The following MEIS2 variants were observed in gnomAD, a reference collection of about 807,000 sequenced individuals.
MEIS2 encodes the protein homeobox protein Meis2.
In MEIS2, 9 loss-of-function variants were observed where a neutral mutation model predicts 58.6. That is an observed-to-expected ratio of 0.15 (90% CI 0.09 to 0.27). The LOEUF is 0.27. Ranked by LOEUF, MEIS2 falls within the 10% of genes least tolerant of loss-of-function variation. The probability of loss-of-function intolerance (pLI) is 1.00; values close to 1 mark genes in which losing one functional copy is unlikely to be tolerated. For missense variants in MEIS2, 427 were observed against 635.0 expected (o/e 0.67, Z 3.52); for synonymous variants, 221 against 228.4 (o/e 0.97, Z 0.29).
At chr15:36,916,698 G>A (rs1322113491) in intron 9 of MEIS2, among the ~76,000 whole-genome samples, 2 of 152,138 alleles carry the variant, frequency 1.3e-5, no homozygotes, top group African/African-American at 4.8e-5. Context: ...CTCTCAAACT[G>A]TTGAGATTAT....
chr15:36,970,870 T>A (rs17526329), intron 8 of MEIS2, among the ~76,000 whole-genome samples: 3,773 of 152,296 alleles, frequency 0.025, 65 homozygotes, highest in Non-Finnish European at 0.042. Context: ...GAGGGCACTG[T>A]GTCACGTTAG....
intron 9 of MEIS2, among the ~76,000 whole-genome samples, chr15:36,933,145 T>A (rs1401179600): frequency 6.6e-6 from 1 of 152,144 alleles, no homozygotes; most frequent in African/African-American, 2.4e-5. Context: ...AAAGCTGTAA[T>A]CCTGCTGGGC....
At chr15:37,096,563 A>G in intron 2 of MEIS2, 133 bp from the exon 3 acceptor site, 3 of 1,104,064 alleles carry the variant, frequency 2.7e-6, no homozygotes, top group South Asian at 3.6e-5. Context: ...CACACTTTAC[A>G]ACCCTTCCTC....
At chr15:37,003,662 T>C (rs529945129) in intron 8 of MEIS2, among the ~76,000 whole-genome samples, 1 of 152,300 alleles carries the variant, frequency 6.6e-6, no homozygotes, top group East Asian at 1.9e-4. Flanking sequence ...TTGTTCCCCA[T>C]GATACAGTGT....
chr15:36,943,659 C>CT (rs1223956244), intron 9 of MEIS2, among the ~76,000 whole-genome samples: 1 of 152,042 alleles, frequency 6.6e-6, no homozygotes, highest in Non-Finnish European at 1.5e-5. Context: ...AAACTAGGAA[C>CT]TTTTTTTCTC....
chr15:36,982,702 T>G (rs887630704), intron 8 of MEIS2, among the ~76,000 whole-genome samples: 5 of 152,194 alleles, frequency 3.3e-5, no homozygotes, highest in Non-Finnish European at 5.9e-5. Context: ...GATAGTTCTA[T>G]TTTTAATTTT....
intron 7 of MEIS2, among the ~76,000 whole-genome samples, chr15:37,046,974 C>G (rs1323564742): frequency 6.6e-6 from 1 of 151,872 alleles, no homozygotes; most frequent in African/African-American, 2.4e-5. Context: ...ACTGACTGAC[C>G]CTAGTAGAAA....
chr15:36,988,232 A>G (rs972094196), intron 8 of MEIS2, among the ~76,000 whole-genome samples: 6 of 152,204 alleles, frequency 3.9e-5, no homozygotes, highest in Non-Finnish European at 5.9e-5. Flanking sequence ...TCAAAACATC[A>G]TGTCATATAC....
At chr15:36,913,033 C>A (rs1210535697) in intron 9 of MEIS2, among the ~76,000 whole-genome samples, 1 of 152,052 alleles carries the variant, frequency 6.6e-6, no homozygotes, top group Non-Finnish European at 1.5e-5. Flanking sequence ...AACTCCTTGG[C>A]AGTTATACCA....
chr15:36,941,179 T>C (rs955960226), intron 9 of MEIS2, among the ~76,000 whole-genome samples: 17 of 152,158 alleles, frequency 1.1e-4, no homozygotes, highest in Non-Finnish European at 2.5e-4. Context: ...GATCCAAGAC[T>C]ATCAGGATTT....
chr15:37,029,498 T>A (rs2141706065), intron 8 of MEIS2, among the ~76,000 whole-genome samples: 2 of 152,274 alleles, frequency 1.3e-5, no homozygotes, highest in Middle Eastern at 3.4e-3. Context: ...AAAAGATGTC[T>A]AATGATAGAA....
chr15:37,020,111 C>A (rs538334473), intron 8 of MEIS2, among the ~76,000 whole-genome samples: 14 of 152,074 alleles, frequency 9.2e-5, no homozygotes, highest in Non-Finnish European at 1.3e-4. Flanking sequence ...AAAGAGCCAA[C>A]AAGCCACCAC....
At chr15:37,071,885 T>G (rs145687214) in intron 7 of MEIS2, among the ~76,000 whole-genome samples, 4 of 152,136 alleles carry the variant, frequency 2.6e-5, no homozygotes, top group African/African-American at 4.8e-5. Context: ...CAACTTTGCA[T>G]GTGCAAATGA....
chr15:36,931,404 T>A (rs1199480168), intron 9 of MEIS2, among the ~76,000 whole-genome samples: 6 of 152,214 alleles, frequency 3.9e-5, no homozygotes, highest in Non-Finnish European at 7.3e-5. Context: ...CACTTAAAAT[T>A]CAAATCAGAA....
At chr15:36,895,536 G>A (rs1049359642) in intron 10 of MEIS2, among the ~76,000 whole-genome samples, 4 of 152,164 alleles carry the variant, frequency 2.6e-5, no homozygotes, top group African/African-American at 9.7e-5. Context: ...TTAGGGGGAC[G>A]AAGGCTGGAG....
rs184866613 is a variant in MEIS2, at chr15:36,930,354, C to T, written c.977+19970G>A. On this transcript the variant is annotated intron_variant, in intron 9 of 11. Coordinates refer to ENST00000561208, the MANE Select transcript of MEIS2 (RefSeq NM_170675.5). ...TAAAAAGGAGCTGCCAAAGTACCAC[C>T]AAAGAACTCCCAGTAATACCAGGAG... is the stretch of plus-strand genomic sequence containing the variant. Among the ~76,000 whole-genome samples the T allele has an allele frequency of 1.3e-3, 205 of 152,010 alleles. 2 individuals are homozygous for T. The highest frequency in any genetic ancestry group is 4.7e-3 in the African/African-American group (194 of 41,456).
intron 8 of MEIS2, among the ~76,000 whole-genome samples, chr15:36,978,160 A>G (rs940818493): frequency 6.6e-6 from 1 of 152,232 alleles, no homozygotes; most frequent in Non-Finnish European, 1.5e-5. Context: ...CTTCTCAACA[A>G]TACAAATTTG....
chr15:36,892,535 G>GA (rs1271676407), intron 11 of MEIS2, 76 bp from the exon 12 acceptor site: 75,070 of 491,686 alleles, frequency 0.15, 59 homozygotes, highest in Middle Eastern at 0.18. Flanking sequence ...AAGATGAAAA[G>GA]AAAAAAAAAA....
Position 36,957,491 on chromosome 15 carries a change from T to C in MEIS2, c.901-7091A>G, listed in dbSNP as rs775018914. On this transcript the variant is annotated intron_variant, in intron 8 of 11. Coordinates refer to ENST00000561208, the MANE Select transcript of MEIS2 (RefSeq NM_170675.5). ...CCCCTCCATTTCCACGATTCTGGCA[T>C]GTCCAAGCCCTACTAATCCATCATA... 2.5e-4 allele frequency among the ~76,000 whole-genome samples: 38 copies of C among 152,308 alleles called. 1 individual carries two copies. Among genetic ancestry groups the C allele is most frequent in the Admixed American group, 3.9e-4 (6 of 15,294 alleles).
Sources: gnomAD v4.1 joint callset for allele counts (sites outside exome capture counted in the v4.1 genomes callset) on GRCh38, gnomAD v4.1.1 for gene constraint, MANE v1.5 for transcripts, NCBI Gene and HGNC (gene_info 2026-07-23, HGNC 2026-07-21) for gene names.